SH2D4A: variants seen among roughly 807,000 people sequenced by gnomAD.
SH2D4A encodes the protein SH2 domain containing 4A, also known as SH2 domain-containing protein 4A.
SH2D4A carries 70 observed loss-of-function variants against 64.7 expected under a neutral mutation model. The observed-to-expected ratio is 1.08, with a 90% CI of 0.89 to 1.32. SH2D4A has a LOEUF of 1.32. Ranked by LOEUF, SH2D4A falls within the 40% of genes most tolerant of loss-of-function variation. The pLI, the probability that SH2D4A is intolerant of heterozygous loss-of-function variation, is 0.00. For missense variants in SH2D4A, 706 were observed against 540.1 expected (o/e 1.31, Z -3.04); for synonymous variants, 268 against 200.7 (o/e 1.34, Z -2.83).
chr8:19,344,470 T>A (rs142890104), intron 4 of SH2D4A, among the ~76,000 whole-genome samples: 29 of 152,228 alleles, frequency 1.9e-4, no homozygotes, highest in African/African-American at 6.3e-4. Flanking sequence ...CTCTCTTACT[T>A]CTTCTTCTGC....
At chr8:19,347,974 C>T (rs192159285) in intron 4 of SH2D4A, among the ~76,000 whole-genome samples, 1 of 152,284 alleles carries the variant, frequency 6.6e-6, no homozygotes, top group East Asian at 1.9e-4. Context: ...GGCTCTGACA[C>T]CTGTTTTTAA....
chr8:19,364,102 G>C lies in SH2D4A; in HGVS notation c.737G>C (p.Arg246Thr). The C allele has an allele frequency of 1.2e-6, 2 of 1,614,016 alleles. No individual in the cohort carries two copies. Among genetic ancestry groups the C allele is most frequent in the Non-Finnish European group, 1.7e-6 (2 of 1,179,922 alleles). ...LRKSKAADEKRRSLAKQARED... is the reference protein window; with the variant it reads ...LRKSKAADEKTRSLAKQARED... Reference sequence around the variant, plus strand: ...AAATCCAAAGCAGCTGATGAGAAGAGACGCTCCTTGGCTAAACAAGCACGA... The same window carrying C: ...AAATCCAAAGCAGCTGATGAGAAGACACGCTCCTTGGCTAAACAAGCACGA... Residue 246 changes from arginine to threonine, a missense_variant, in exon 7 of 10, where the codon AGA (arginine) becomes ACA (threonine). Arg to Thr is a moderately conservative substitution (Grantham distance 71). Coordinates refer to ENST00000265807, the MANE Select transcript of SH2D4A (RefSeq NM_022071.4).
At chr8:19,385,427 C>T (rs1225277678) in intron 8 of SH2D4A, among the ~76,000 whole-genome samples, 1 of 152,142 alleles carries the variant, frequency 6.6e-6, no homozygotes. Context: ...TCTTGAACTT[C>T]TGACTTCAAG....
At chr8:19,382,017 C>G (rs1188601817) in intron 8 of SH2D4A, among the ~76,000 whole-genome samples, 1 of 151,906 alleles carries the variant, frequency 6.6e-6, no homozygotes, top group East Asian at 1.9e-4. Flanking sequence ...TGATATGCTG[C>G]TGGATTAATT....
chr8:19,363,597 C>G (rs1563202217), intron 6 of SH2D4A, among the ~76,000 whole-genome samples: 3 of 152,280 alleles, frequency 2.0e-5, no homozygotes, highest in African/African-American at 4.8e-5. Context: ...GTCCTGCTCT[C>G]TGCTCCTTCA....
chr8:19,380,747 C>G (rs2053279632), intron 8 of SH2D4A, among the ~76,000 whole-genome samples: 1 of 152,112 alleles, frequency 6.6e-6, no homozygotes, highest in Non-Finnish European at 1.5e-5. Context: ...TGTCTGTATG[C>G]CAGTACCACA....
At chr8:19,388,672 G>C (rs1275963208) in intron 8 of SH2D4A, among the ~76,000 whole-genome samples, 1 of 152,164 alleles carries the variant, frequency 6.6e-6, no homozygotes, top group African/African-American at 2.4e-5. Flanking sequence ...AGACCTCGTG[G>C]CACTTCAAAG....
At chr8:19,373,437 T>A in intron 7 of SH2D4A, 93 bp from the exon 8 acceptor site, 1 of 821,678 alleles carries the variant, frequency 1.2e-6, no homozygotes, top group Non-Finnish European at 1.7e-6. Context: ...TATATGTATG[T>A]GTGTGTGTAT....
At chr8:19,336,999 T>C (rs949827507) in intron 4 of SH2D4A, among the ~76,000 whole-genome samples, 7 of 152,210 alleles carry the variant, frequency 4.6e-5, no homozygotes, top group Non-Finnish European at 8.8e-5. Flanking sequence ...TATTATTCTT[T>C]AACCATCTCA....
At chr8:19,359,048 A>G (rs1185080299) in intron 5 of SH2D4A, among the ~76,000 whole-genome samples, 2 of 152,230 alleles carry the variant, frequency 1.3e-5, no homozygotes, top group African/African-American at 2.4e-5. Context: ...CTGAAAAGGA[A>G]ATGATGGTCT....
intron 4 of SH2D4A, among the ~76,000 whole-genome samples, chr8:19,351,707 A>G (rs2052708121): frequency 6.6e-6 from 1 of 152,122 alleles, no homozygotes; most frequent in Non-Finnish European, 1.5e-5. Context: ...GAGTCCTGAC[A>G]ATGTTCTGTT....
chr8:19,385,989 C>A (rs1483108483), intron 8 of SH2D4A, among the ~76,000 whole-genome samples: 1 of 152,128 alleles, frequency 6.6e-6, no homozygotes, highest in African/African-American at 2.4e-5. Context: ...GTTCTTAAAC[C>A]TCAGATGACA....
chr8:19,315,846 C>T (rs78584319), intron 1 of SH2D4A, among the ~76,000 whole-genome samples: 2,170 of 152,202 alleles, frequency 0.014, 49 homozygotes, highest in African/African-American at 0.049. Flanking sequence ...TTTCTTCTAC[C>T]CTGGCTCCAC....
At chr8:19,366,814 C>G (rs549393267) in intron 7 of SH2D4A, among the ~76,000 whole-genome samples, 1 of 152,240 alleles carries the variant, frequency 6.6e-6, no homozygotes, top group East Asian at 1.9e-4. Context: ...AAAGATCAAC[C>G]TTTTTGATTC....
intron 4 of SH2D4A, among the ~76,000 whole-genome samples, chr8:19,346,673 G>C (rs561372755): frequency 1.2e-4 from 18 of 152,342 alleles, no homozygotes; most frequent in African/African-American, 4.3e-4. Context: ...AACTGGGGCA[G>C]TAAGGGATCC....
In SH2D4A at chr8:19,393,551, T is replaced by C. The variant is rs3780093; in HGVS notation, c.1272+10T>C. 58 of 1,613,188 alleles carry C rather than the reference T, an allele frequency of 3.6e-5. No individual in the cohort carries two copies. The East Asian group carries it at 1.2e-3, about 33-fold the overall frequency. ...GGTGGAATATCACAAGGTGAAGCAA[T>C]GCATAAACTTAATTTGCCTTCTGAG... On this transcript the variant is annotated intron_variant, in intron 9 of 9. Coordinates refer to ENST00000265807, the MANE Select transcript of SH2D4A (RefSeq NM_022071.4).
rs5889867 is a variant in SH2D4A, at chr8:19,339,495, C to CTTTTTTT, written c.513+4650_513+4656dup. 2.9e-4 allele frequency among the ~76,000 whole-genome samples: 38 copies of CTTTTTTT among 129,010 alleles called. 1 individual carries two copies. The highest frequency in any genetic ancestry group is 4.5e-4 in the East Asian group (2 of 4,396). 84.6% of individuals were successfully genotyped at this position (129,010 alleles called of 152,430 possible). On this transcript the variant is annotated intron_variant, in intron 4 of 9. Coordinates refer to ENST00000265807, the MANE Select transcript of SH2D4A (RefSeq NM_022071.4). ...CACTTTCCTCTTCCCTATAAACTTT[C>CTTTTTTT]TTTTTTTTTTTTTTTTTTCTTTTTG...
Position 19,324,370 on chromosome 8 carries a change from A to AG in SH2D4A, c.181+4647dup, listed in dbSNP as rs906624499. ...TTTTGCTGCGTTCTCATTGTTCCCA[A>AG]GGGGGCAGATCCTTTATGAAAAGCT... On this transcript the variant is annotated intron_variant, in intron 2 of 9. Coordinates refer to ENST00000265807, the MANE Select transcript of SH2D4A (RefSeq NM_022071.4). 1.0e-3 allele frequency among the ~76,000 whole-genome samples: 152 copies of AG among 152,302 alleles called. 1 individual carries two copies. The highest frequency in any genetic ancestry group is 3.6e-3 in the African/African-American group (149 of 41,572).
intron 1 of SH2D4A, among the ~76,000 whole-genome samples, chr8:19,316,113 G>A (rs372721482): frequency 2.0e-5 from 3 of 152,224 alleles, no homozygotes; most frequent in South Asian, 2.1e-4. Flanking sequence ...GGAATTAGAG[G>A]GTGAGGGGGA....
Sources: gnomAD v4.1 joint callset for allele counts (sites outside exome capture counted in the v4.1 genomes callset) on GRCh38, gnomAD v4.1.1 for gene constraint, MANE v1.5 for transcripts, NCBI Gene and HGNC (gene_info 2026-07-23, HGNC 2026-07-21) for gene names.